FAM20C: variants seen among roughly 807,000 people sequenced by gnomAD.
The protein encoded by FAM20C is FAM20C golgi associated secretory pathway kinase.
A neutral mutation model predicts 51.5 loss-of-function variants in FAM20C; 40 were observed. That is an observed-to-expected ratio of 0.78 (90% CI 0.60 to 1.01). The LOEUF is 1.01. Among genes scored for constraint, FAM20C ranks in the 50% least tolerant of loss-of-function variants. FAM20C has a pLI of 0.00. For missense variants in FAM20C, 861 were observed against 844.7 expected (o/e 1.02, Z -0.24); for synonymous variants, 406 against 380.6 (o/e 1.07, Z -0.78).
At chr7:246,112 G>T (rs756492839) in intron 3 of FAM20C, 21 of 293,382 alleles carry the variant, frequency 7.2e-5, no homozygotes, top group Non-Finnish European at 1.2e-4. Flanking sequence ...CCTGAGAAGG[G>T]CCCATGGGGA....
chr7:220,851 G>A (rs1787229526), intron 3 of FAM20C, among the ~76,000 whole-genome samples: 1 of 152,224 alleles, frequency 6.6e-6, no homozygotes, highest in South Asian at 2.1e-4. Flanking sequence ...GGGGAGCAAG[G>A]ACAGGAGGCC....
intron 3 of FAM20C, chr7:228,511 G>A: frequency 2.2e-6 from 1 of 456,224 alleles, no homozygotes; most frequent in Non-Finnish European, 4.4e-6. Context: ...TCCCCTGTGA[G>A]AGGCTGACAC....
In FAM20C at chr7:192,771, G is replaced by A. The variant is rs1015452554; in HGVS notation, c.-429G>A. Among the ~76,000 whole-genome samples the A allele has an allele frequency of 1.4e-4, 20 of 147,362 alleles. No homozygotes were observed. In the South Asian group the frequency reaches 3.8e-3, roughly 28 times the overall value. ...CGCCCGCCCGCCCGGCGCCTGGAGAGGAGCGCGCTGAGGATCGGGACGCCT... is the reference window on the plus strand; with the variant it reads ...CGCCCGCCCGCCCGGCGCCTGGAGAAGAGCGCGCTGAGGATCGGGACGCCT... On this transcript the variant is annotated 5_prime_UTR_variant, in exon 1 of 10. Coordinates refer to ENST00000313766, the MANE Select transcript of FAM20C (RefSeq NM_020223.4).
intron 2 of FAM20C, among the ~76,000 whole-genome samples, chr7:208,005 C>T (rs553045402): frequency 3.9e-5 from 6 of 152,230 alleles, no homozygotes; most frequent in South Asian, 2.1e-4. Flanking sequence ...CCTTGCGGAG[C>T]GGCGGGAGCT....
At chr7:216,451 G>C (rs1355933363) in intron 3 of FAM20C, among the ~76,000 whole-genome samples, 1 of 150,988 alleles carries the variant, frequency 6.6e-6, no homozygotes, top group Non-Finnish European at 1.5e-5. Flanking sequence ...GATGGGGCTG[G>C]GTGGGGAGCA....
chr7:256,018 C>A lies in FAM20C; in HGVS notation c.1242C>A (p.Arg414=), dbSNP rs2115171639. 1 of 1,535,808 alleles carries A rather than the reference C, an allele frequency of 6.5e-7. No individual in the cohort carries two copies. Among genetic ancestry groups the A allele is most frequent in the Non-Finnish European group, 8.7e-7 (1 of 1,146,716 alleles). The stretch of plus-strand genomic sequence containing the variant: ...CTTGGCGGCGTTCCTACCACAAGCG[C>A]AAGAAGGCCGAGTGAGTGCGGGGCC... ...RNPWRRSYHK[R]KKAEWEVDPD... Residue 414 remains arginine (R), a synonymous_variant, in exon 6 of 10, where the codon CGC becomes CGA. Coordinates refer to ENST00000313766, the MANE Select transcript of FAM20C (RefSeq NM_020223.4).
At chr7:232,631 T>C (rs1787735457) in intron 3 of FAM20C, among the ~76,000 whole-genome samples, 1 of 152,218 alleles carries the variant, frequency 6.6e-6, no homozygotes, top group Non-Finnish European at 1.5e-5. Context: ...TTTTCTATTT[T>C]CCCACAAACT....
At chr7:251,405 C>T (rs1490606795) in intron 5 of FAM20C, among the ~76,000 whole-genome samples, 1 of 152,142 alleles carries the variant, frequency 6.6e-6, no homozygotes, top group African/African-American at 2.4e-5. Context: ...GTGATTCCAG[C>T]AACTCAGGAG....
At chr7:243,931 T>TAAG (rs1213822102) in intron 3 of FAM20C, among the ~76,000 whole-genome samples, 1,668 of 125,076 alleles carry the variant, frequency 0.013, 35 homozygotes, top group African/African-American at 0.043. Flanking sequence ...ATAATAATAA[T>TAAG]AATAATAATA....
At chr7:212,843 A>G (rs913905146) in intron 3 of FAM20C, among the ~76,000 whole-genome samples, 6 of 152,122 alleles carry the variant, frequency 3.9e-5, no homozygotes, top group South Asian at 2.1e-4. Flanking sequence ...TCACCCACTT[A>G]AAGTGTGCAG....
At position 246,223 on chromosome 7, in the gene FAM20C, G is replaced by A. The variant is rs1467029270; in HGVS notation, c.864-192G>A. On this transcript the variant is annotated intron_variant, in intron 3 of 9. Coordinates refer to ENST00000313766, the MANE Select transcript of FAM20C (RefSeq NM_020223.4). ...GGAGCTGGGACCCCCGGCCTCCGTC[G>A]CACGTGCCTGCGCTGCTCTGAGGGC... 11 of 565,152 alleles carry A rather than the reference G, an allele frequency of 1.9e-5. No homozygotes were observed. In the Admixed American group the frequency reaches 2.1e-4, roughly 11 times the overall value. The allele number at this position is 565,152 out of a possible 1,614,324, so 35.0% of individuals were successfully genotyped here.
At position 259,833 on chromosome 7, in the gene FAM20C, C is replaced by G; in HGVS notation, c.1608C>G (p.Pro536=). 1 of 1,536,220 alleles carries G rather than the reference C, an allele frequency of 6.5e-7. No homozygotes were observed. The highest frequency in any genetic ancestry group is 8.7e-7 in the Non-Finnish European group (1 of 1,146,880). ...CTCTGCGGGGGGACCAGGTGGCACCCGTGCTGTACCAGCCGCACCTGGAGG... is the reference window on the plus strand; with the variant it reads ...CTCTGCGGGGGGACCAGGTGGCACCGGTGCTGTACCAGCCGCACCTGGAGG... ...AESLRGDQVA[P]VLYQPHLEAL... Residue 536 remains proline, a synonymous_variant, in exon 10 of 10, where the codon CCC becomes CCG. Coordinates refer to ENST00000313766, the MANE Select transcript of FAM20C (RefSeq NM_020223.4).
At chr7:233,323 G>A (rs1363938887) in intron 3 of FAM20C, among the ~76,000 whole-genome samples, 1 of 152,190 alleles carries the variant, frequency 6.6e-6, no homozygotes, top group Non-Finnish European at 1.5e-5. Flanking sequence ...GGCCTGACTG[G>A]ATTTGGAGGA....
intron 3 of FAM20C, among the ~76,000 whole-genome samples, chr7:234,523 G>T (rs1454010302): frequency 1.3e-5 from 2 of 152,182 alleles, no homozygotes; most frequent in African/African-American, 2.4e-5. Flanking sequence ...GGGGCCGCAG[G>T]CTGTGGGTGT....
At chr7:217,424 C>A (rs2115088789) in intron 3 of FAM20C, among the ~76,000 whole-genome samples, 1 of 152,232 alleles carries the variant, frequency 6.6e-6, no homozygotes, top group African/African-American at 2.4e-5. Flanking sequence ...TAGGGTAGAG[C>A]TGCATTTGGC....
At chr7:253,611 T>C (rs1788482778) in intron 5 of FAM20C, among the ~76,000 whole-genome samples, 1 of 152,234 alleles carries the variant, frequency 6.6e-6, no homozygotes, top group Non-Finnish European at 1.5e-5. Flanking sequence ...GTGGCTTCTT[T>C]GTGTAATTCC....
At chr7:228,271 C>T in intron 3 of FAM20C, 1 of 354,336 alleles carries the variant, frequency 2.8e-6, no homozygotes, top group South Asian at 2.1e-5. Context: ...TGGGCAGGGT[C>T]TTGGCTCAGT....
intron 3 of FAM20C, among the ~76,000 whole-genome samples, chr7:218,324 G>A (rs1787097769): frequency 1.3e-5 from 2 of 152,216 alleles, no homozygotes; most frequent in Admixed American, 6.5e-5. Flanking sequence ...GCCCCTTTCC[G>A]GTGCTCCCGT....
At chr7:205,179 C>T (rs1359868428) in intron 2 of FAM20C, among the ~76,000 whole-genome samples, 1 of 152,236 alleles carries the variant, frequency 6.6e-6, no homozygotes, top group East Asian at 1.9e-4. Context: ...CTCTGTTGCC[C>T]AGGCTGGTCT....
Sources: gnomAD v4.1 joint callset for allele counts (sites outside exome capture counted in the v4.1 genomes callset) on GRCh38, gnomAD v4.1.1 for gene constraint, MANE v1.5 for transcripts, NCBI Gene and HGNC (gene_info 2026-07-23, HGNC 2026-07-21) for gene names.